Variants in GRIK3 observed in about 807,000 individuals in gnomAD.
GRIK3 encodes glutamate receptor ionotropic, kainate 3.
A neutral mutation model predicts 102.5 loss-of-function variants in GRIK3; 29 were observed. That is an observed-to-expected ratio of 0.28 (90% CI 0.21 to 0.39). The LOEUF (loss-of-function observed/expected upper bound fraction) is 0.39, where lower values mean the gene tolerates loss of function less well. Among genes scored for constraint, GRIK3 ranks in the 10% least tolerant of loss-of-function variants. The pLI is 1.00. For synonymous variants in GRIK3, 511 were observed against 504.9 expected (o/e 1.01, Z -0.16); for missense variants, 908 against 1,252.4 (o/e 0.73, Z 4.15).
chr1:37,012,652 C>T (rs1642609788), intron 1 of GRIK3, among the ~76,000 whole-genome samples: 1 of 152,156 alleles, frequency 6.6e-6, no homozygotes. Flanking sequence ...ATGAGAAAAA[C>T]GAGGTGGGTA....
Position 36,805,248 on chromosome 1 carries a change from A to T in GRIK3, c.2315-11T>A. On this transcript the variant is annotated splice_polypyrimidine_tract_variant and intron_variant, in intron 14 of 15. Transcript: ENST00000373091. ...CCCGGTATGGGGAGCCTGAGCAGGG[A>T]GAAGGGACCCCTAGCCATCAGTGGC... The T allele has an allele frequency of 6.3e-7, 1 of 1,599,214 alleles. No individual in the cohort carries two copies. Among genetic ancestry groups the T allele is most frequent in the Non-Finnish European group, 8.5e-7 (1 of 1,172,196 alleles).
At chr1:36,873,438 T>C (rs1557709834) in intron 3 of GRIK3, among the ~76,000 whole-genome samples, 1 of 152,312 alleles carries the variant, frequency 6.6e-6, no homozygotes, top group Admixed American at 6.5e-5. Context: ...TTTTGCTGAC[T>C]TCTTTCTGCA....
chr1:36,920,912 T>G (rs1345917187), intron 1 of GRIK3, among the ~76,000 whole-genome samples: 1 of 152,196 alleles, frequency 6.6e-6, no homozygotes, highest in African/African-American at 2.4e-5. Flanking sequence ...GCCTCATCCC[T>G]GCATGCCTGC....
chr1:36,846,323 C>T (rs1032437913), intron 9 of GRIK3, among the ~76,000 whole-genome samples: 2 of 152,140 alleles, frequency 1.3e-5, no homozygotes, highest in Non-Finnish European at 2.9e-5. Flanking sequence ...ATCTGTCTGT[C>T]CAGGGTAAGG....
At chr1:37,032,799 G>A (rs1642842183) in intron 1 of GRIK3, among the ~76,000 whole-genome samples, 1 of 152,154 alleles carries the variant, frequency 6.6e-6, no homozygotes, top group African/African-American at 2.4e-5. Flanking sequence ...GGCCGCCCAG[G>A]AGGAGACCCA....
At chr1:36,907,908 T>A (rs1363528060) in intron 1 of GRIK3, among the ~76,000 whole-genome samples, 1 of 152,100 alleles carries the variant, frequency 6.6e-6, no homozygotes, top group Non-Finnish European at 1.5e-5. Flanking sequence ...TTGTTCCCAG[T>A]GAGAGAGGCC....
chr1:36,952,798 G>A (rs868502813), intron 1 of GRIK3, among the ~76,000 whole-genome samples: 6 of 152,230 alleles, frequency 3.9e-5, no homozygotes, highest in Non-Finnish European at 8.8e-5. Context: ...AATACTGGGT[G>A]TTGGGGGGTC....
rs115208682 is a variant in GRIK3 at position 36,984,245 on chromosome 1, C to T, written c.115+49749G>A. On this transcript the variant is annotated intron_variant, in intron 1 of 15. Transcript: ENST00000373091. Reference sequence around the variant, plus strand: ...TCATGACATCATACCCAGGCACACTCACACCCACACACGTGCACACTTGCT... The same window carrying T: ...TCATGACATCATACCCAGGCACACTTACACCCACACACGTGCACACTTGCT... Among the ~76,000 whole-genome samples, 1,462 of 152,338 alleles carry T rather than the reference C, an allele frequency of 9.6e-3. 22 individuals are homozygous for T. The highest frequency in any genetic ancestry group is 0.033 in the African/African-American group (1,352 of 41,558).
chr1:36,832,370 A>G (rs1378173606), intron 10 of GRIK3, among the ~76,000 whole-genome samples: 1 of 152,170 alleles, frequency 6.6e-6, no homozygotes, highest in African/African-American at 2.4e-5. Context: ...GACAGAGCAC[A>G]TGGCCGTTTA....
At position 36,798,838 on chromosome 1, in the gene GRIK3, G is replaced by A. The variant is rs1195741062; in HGVS notation, c.*3013C>T. Reference sequence around the variant, plus strand: ...CCACACAGGAGTCTAAAGACCAGTCGGTACATTTTGGGGGGTTTCTCGAAT... The same window carrying A: ...CCACACAGGAGTCTAAAGACCAGTCAGTACATTTTGGGGGGTTTCTCGAAT... On this transcript the variant is annotated 3_prime_UTR_variant, in exon 16 of 16. Coordinates refer to ENST00000373091, the MANE Select transcript of GRIK3 (RefSeq NM_000831.4). 6.6e-6 allele frequency: 1 copy of A among 152,194 alleles called. No individual in the cohort carries two copies. The highest frequency in any genetic ancestry group is 1.5e-5 in the Non-Finnish European group (1 of 68,046). 9.4% of individuals were successfully genotyped at this position (152,194 alleles called of 1,614,324 possible). A position where few individuals can be genotyped will look rare whatever the true frequency, so the allele number is the denominator to read the frequency against.
intron 13 of GRIK3, among the ~76,000 whole-genome samples, chr1:36,815,019 G>T (rs936489852): frequency 6.6e-6 from 1 of 152,194 alleles, no homozygotes; most frequent in Non-Finnish European, 1.5e-5. Context: ...ATACACACAC[G>T]TGCACATTCC....
rs1388953276 is a variant in GRIK3, at chr1:36,825,726, T to C, written c.1631A>G (p.Tyr544Cys). 2 of 1,613,922 alleles carry C rather than the reference T, an allele frequency of 1.2e-6. No individual in the cohort carries two copies. The highest frequency in any genetic ancestry group is 1.7e-6 in the Non-Finnish European group (2 of 1,179,940). The change falls in exon 11 of 16, where the codon TAT becomes TGT. Residue 544 changes from tyrosine (Y) to cysteine (C), a missense_variant. This residue lies in a region of GRIK3 where 585 missense variants were observed against 824.9 expected (regional missense o/e 0.71). Transcript: ENST00000373091. ...GGGGTTGGTGCCATTGGGCTTTCGA[T>C]ACAGGATGCTCACACCAAGTGTCAT... ...PFMTLGVSIL[Y>C]RKPNGTNPSV...
At chr1:36,977,916 G>A (rs753116794) in intron 1 of GRIK3, among the ~76,000 whole-genome samples, 5 of 152,258 alleles carry the variant, frequency 3.3e-5, no homozygotes, top group South Asian at 4.1e-4. Flanking sequence ...GGCAGGCCCT[G>A]CAGGGCAAGA....
At chr1:36,971,836 C>T (rs1642145638) in intron 1 of GRIK3, among the ~76,000 whole-genome samples, 1 of 152,186 alleles carries the variant, frequency 6.6e-6, no homozygotes, top group Non-Finnish European at 1.5e-5. Context: ...TTTTCTTCTG[C>T]TCTTCTTGCA....
intron 1 of GRIK3, among the ~76,000 whole-genome samples, chr1:37,029,283 C>T (rs577295018): frequency 6.6e-6 from 1 of 152,246 alleles, no homozygotes; most frequent in African/African-American, 2.4e-5. Context: ...CAAGCGAGTG[C>T]CTGCTGGGTG....
chr1:36,840,539 C>A (rs932659434), intron 10 of GRIK3, among the ~76,000 whole-genome samples: 1 of 139,134 alleles, frequency 7.2e-6, no homozygotes, highest in Non-Finnish European at 1.5e-5. Flanking sequence ...AAAGTGAGAC[C>A]CTGCTCTCCA....
intron 3 of GRIK3, among the ~76,000 whole-genome samples, chr1:36,876,822 G>A (rs1046733700): frequency 2.6e-5 from 4 of 152,142 alleles, no homozygotes; most frequent in Non-Finnish European, 4.4e-5. Context: ...AGTGCTCATT[G>A]TCTTCTTGAT....
At chr1:36,979,760 A>G (rs1023141444) in intron 1 of GRIK3, among the ~76,000 whole-genome samples, 6 of 152,250 alleles carry the variant, frequency 3.9e-5, no homozygotes, top group Non-Finnish European at 1.5e-5. Flanking sequence ...CAGAGAGGGC[A>G]TGATGGGCTG....
At chr1:36,866,292 T>G (rs1381739141) in intron 5 of GRIK3, among the ~76,000 whole-genome samples, 2 of 152,206 alleles carry the variant, frequency 1.3e-5, no homozygotes, top group Non-Finnish European at 2.9e-5. Flanking sequence ...GGTCAGGCAT[T>G]GTGTGGAATC....
Sources: gnomAD v4.1 joint callset for allele counts (sites outside exome capture counted in the v4.1 genomes callset) on GRCh38, gnomAD v4.1.1 for gene constraint, gnomAD v4.1.1 regional missense constraint, MANE v1.5 for transcripts, NCBI Gene and HGNC (gene_info 2026-07-23, HGNC 2026-07-21) for gene names.